The following SDK1 variants were observed in gnomAD, a reference collection of about 807,000 sequenced individuals.
The protein encoded by SDK1 is protein sidekick-1.
A neutral mutation model predicts 245.5 loss-of-function variants in SDK1; 157 were observed. The ratio of observed to expected loss-of-function variants is 0.64; its 90% confidence interval spans 0.56 to 0.73. The LOEUF is 0.73. Ranked by LOEUF, SDK1 falls within the 30% of genes least tolerant of loss-of-function variation. The pLI is 0.00. For synonymous variants in SDK1, 1,647 were observed against 1,278.5 expected (o/e 1.29, Z -6.15); for missense variants, 3,583 against 3,002.3 (o/e 1.19, Z -4.52).
At chr7:3,983,924 G>C (rs969701917) in intron 13 of SDK1, among the ~76,000 whole-genome samples, 1 of 152,162 alleles carries the variant, frequency 6.6e-6, no homozygotes, top group Admixed American at 6.5e-5. Context: ...TGCACATCAC[G>C]GGCACTCAGG....
chr7:4,221,872 A>C (rs1347925906), intron 40 of SDK1, among the ~76,000 whole-genome samples: 6 of 152,116 alleles, frequency 3.9e-5, no homozygotes, highest in Admixed American at 3.9e-4. Context: ...CACCAGAATA[A>C]TTTTTTTCAC....
intron 1 of SDK1, among the ~76,000 whole-genome samples, chr7:3,448,619 T>C (rs1780416337): frequency 6.6e-6 from 1 of 152,190 alleles, no homozygotes. Flanking sequence ...TTCATCTGGA[T>C]TTTACTTCTA....
chr7:4,152,773 C>T (rs1240242161), intron 30 of SDK1, among the ~76,000 whole-genome samples: 1 of 152,254 alleles, frequency 6.6e-6, no homozygotes, highest in African/African-American at 2.4e-5. Context: ...ATTTTACTTT[C>T]ACCAGTTGTG....
At chr7:4,245,934 A>G (rs369767122) in intron 44 of SDK1, 129 bp downstream of exon 44, 8 of 1,142,416 alleles carry the variant, frequency 7.0e-6, no homozygotes, top group East Asian at 5.2e-5. Context: ...CCAAGGACAA[A>G]GGGCTTCATT....
intron 1 of SDK1, among the ~76,000 whole-genome samples, chr7:3,489,057 T>C: frequency 6.6e-6 from 1 of 152,116 alleles, no homozygotes; most frequent in Non-Finnish European, 1.5e-5. Context: ...GCAATGTTGA[T>C]TCATGGCTTG....
intron 11 of SDK1, among the ~76,000 whole-genome samples, chr7:3,970,774 C>T (rs1307856597): frequency 6.6e-6 from 1 of 152,190 alleles, no homozygotes; most frequent in East Asian, 1.9e-4. Context: ...GCCAGGAAAA[C>T]TAAGATGCAG....
intron 1 of SDK1, among the ~76,000 whole-genome samples, chr7:3,434,854 G>A (rs973011299): frequency 2.0e-5 from 3 of 152,142 alleles, no homozygotes; most frequent in Non-Finnish European, 4.4e-5. Flanking sequence ...ACTCCTCATT[G>A]AGCCCAGAAA....
chr7:3,528,594 A>G (rs971567690), intron 1 of SDK1, among the ~76,000 whole-genome samples: 1 of 152,126 alleles, frequency 6.6e-6, no homozygotes, highest in Admixed American at 6.5e-5. Flanking sequence ...TGCAAGAGAG[A>G]TCACGTAGGA....
At chr7:3,861,093 C>T (rs989391413) in intron 5 of SDK1, among the ~76,000 whole-genome samples, 3 of 152,182 alleles carry the variant, frequency 2.0e-5, no homozygotes. Context: ...TGTAACCCTT[C>T]AGTCTACTGC....
chr7:3,611,416 G>A (rs537414381), intron 1 of SDK1, among the ~76,000 whole-genome samples: 1 of 152,202 alleles, frequency 6.6e-6, no homozygotes, highest in African/African-American at 2.4e-5. Flanking sequence ...ATAACCAAAC[G>A]ACTTACTTGG....
At chr7:3,559,650 C>A (rs1034458866) in intron 1 of SDK1, among the ~76,000 whole-genome samples, 1 of 151,044 alleles carries the variant, frequency 6.6e-6, no homozygotes, top group African/African-American at 2.4e-5. Flanking sequence ...AGTGTTGACA[C>A]AACTCACCTG....
intron 4 of SDK1, among the ~76,000 whole-genome samples, chr7:3,668,838 G>A (rs1353417531): frequency 6.6e-6 from 1 of 152,098 alleles, no homozygotes; most frequent in Non-Finnish European, 1.5e-5. Flanking sequence ...ATGAGCCTTG[G>A]GAGTCACAAA....
At chr7:4,051,519 A>G in intron 18 of SDK1, 119 bp from the exon 19 acceptor site, 1 of 842,510 alleles carries the variant, frequency 1.2e-6, no homozygotes, top group African/African-American at 1.8e-5. Flanking sequence ...TGCAGGATTT[A>G]TGGACTTTCT....
rs17134180 is a variant in SDK1, at chr7:4,018,151, A to G, written c.2602+799A>G. Among the ~76,000 whole-genome samples the G allele has an allele frequency of 7.8e-3, 1,187 of 152,278 alleles. 17 individuals carry two copies. Among genetic ancestry groups the G allele is most frequent in the African/African-American group, 0.028 (1,148 of 41,560 alleles). On this transcript the variant is annotated intron_variant, in intron 17 of 44. Transcript: ENST00000404826. ...CCTTGCCCAGGGAAGTAATTTTTCT[A>G]CTGAGTCTAAAATCCTTTTTCACTC... is the stretch of plus-strand genomic sequence containing the variant.
intron 4 of SDK1, among the ~76,000 whole-genome samples, chr7:3,660,643 T>C (rs2128659232): frequency 6.6e-6 from 1 of 152,176 alleles, no homozygotes; most frequent in Non-Finnish European, 1.5e-5. Context: ...TGGAAAAAAA[T>C]GTGTTGTGGA....
At chr7:3,792,566 C>A (rs1242449896) in intron 4 of SDK1, among the ~76,000 whole-genome samples, 1 of 152,116 alleles carries the variant, frequency 6.6e-6, no homozygotes, top group Non-Finnish European at 1.5e-5. Context: ...ACTCTCTAAC[C>A]CACTGCCATC....
intron 1 of SDK1, among the ~76,000 whole-genome samples, chr7:3,443,911 G>A (rs563823802): frequency 5.0e-4 from 76 of 152,364 alleles, no homozygotes; most frequent in African/African-American, 1.6e-3. Flanking sequence ...CAATATGACT[G>A]AAGATGTGAA....
chr7:3,472,661 C>G (rs1485143803), intron 1 of SDK1, among the ~76,000 whole-genome samples: 1 of 152,176 alleles, frequency 6.6e-6, no homozygotes, highest in Non-Finnish European at 1.5e-5. Flanking sequence ...AAATCAGTAT[C>G]TCATTAAACT....
chr7:3,891,961 C>T (rs907329102), intron 5 of SDK1, among the ~76,000 whole-genome samples: 1 of 152,146 alleles, frequency 6.6e-6, no homozygotes, highest in African/African-American at 2.4e-5. Context: ...TCTATAACAC[C>T]AGTTCACACA....
Sources: allele counts gnomAD v4.1 joint callset (sites outside exome capture counted in the v4.1 genomes callset), GRCh38; gene constraint gnomAD v4.1.1; transcripts MANE v1.5; gene names NCBI Gene and HGNC (gene_info 2026-07-23, HGNC 2026-07-21).